GRIP1: variants seen among roughly 807,000 people sequenced by gnomAD.
GRIP1 encodes glutamate receptor-interacting protein 1.
A neutral mutation model predicts 129.9 loss-of-function variants in GRIP1; 45 were observed. The observed-to-expected ratio is 0.35, with a 90% CI of 0.27 to 0.44. GRIP1 has a LOEUF of 0.44. Among genes scored for constraint, GRIP1 ranks in the 20% least tolerant of loss-of-function variants. The pLI is 1.00. For missense variants in GRIP1, 1,196 were observed against 1,396.8 expected (o/e 0.86, Z 2.29); for synonymous variants, 530 against 520.8 (o/e 1.02, Z -0.24).
rs141989812 is a variant in GRIP1 at position 66,454,550 on chromosome 12, G to A, written c.1354+859C>T. On this transcript the variant is annotated intron_variant, in intron 11 of 24. Transcript: ENST00000359742. ...GAGAATGATCTTCCCCAATAGAAAC[G>A]ATAAATGTAGGAGTGATTTATATTT... Among the ~76,000 whole-genome samples the A allele has an allele frequency of 1.7e-3, 265 of 152,276 alleles. 3 individuals carry two copies. The highest frequency in any genetic ancestry group is 6.8e-3 in the Middle Eastern group (2 of 294).
At chr12:66,871,065 T>C (rs144475057) in intron 1 of GRIP1, among the ~76,000 whole-genome samples, 29 of 152,258 alleles carry the variant, frequency 1.9e-4, no homozygotes, top group African/African-American at 7.0e-4. Context: ...AAAGTGTTAA[T>C]AATGAAAATC....
At chr12:66,952,116 A>C (rs1195337007) in intron 1 of GRIP1, among the ~76,000 whole-genome samples, 1 of 152,154 alleles carries the variant, frequency 6.6e-6, no homozygotes, top group Non-Finnish European at 1.5e-5. Context: ...AAGGAAAGAA[A>C]GGTCAGAGGA....
chr12:66,521,398 T>A (rs7978982), intron 5 of GRIP1, among the ~76,000 whole-genome samples: 29,067 of 152,228 alleles, frequency 0.19, 2,852 homozygotes, highest in African/African-American at 0.22. Flanking sequence ...ACATATTTAT[T>A]AAGATGTTTA....
chr12:66,463,202 A>C lies in GRIP1; in HGVS notation c.873-109T>G. On this transcript the variant is annotated intron_variant, in intron 8 of 24. Transcript: ENST00000359742. Reference sequence around the variant, plus strand: ...ACAGTTTTTCATTTACTTAAAATAAAAGAAAAGAAAAGTTTGAGTGTTATA... The same window carrying C: ...ACAGTTTTTCATTTACTTAAAATAACAGAAAAGAAAAGTTTGAGTGTTATA... 9.9e-6 allele frequency: 6 copies of C among 605,624 alleles called. No homozygotes were observed. The South Asian group carries it at 1.3e-4, about 13-fold the overall frequency. The allele number at this position is 605,624 out of a possible 1,614,324, so 37.5% of individuals were successfully genotyped here.
chr12:66,683,755 C>T (rs981335753), upstream of GRIP1, among the ~76,000 whole-genome samples: 1 of 152,148 alleles, frequency 6.6e-6, no homozygotes, highest in South Asian at 2.1e-4. Context: ...AGGAAAGCTC[C>T]TGTGAAGGTA....
At chr12:66,932,751 C>G (rs1179483169) in intron 1 of GRIP1, among the ~76,000 whole-genome samples, 2 of 152,124 alleles carry the variant, frequency 1.3e-5, no homozygotes, top group Non-Finnish European at 2.9e-5. Flanking sequence ...TCATTGCAAT[C>G]TCTGCCATCT....
intron 1 of GRIP1, among the ~76,000 whole-genome samples, chr12:66,773,858 T>C (rs2037896472): frequency 1.3e-5 from 2 of 152,148 alleles, no homozygotes. Flanking sequence ...AAGCATAATA[T>C]GCAAAAATAT....
Position 66,349,033 on chromosome 12 carries a change from T to A in GRIP1, c.3373A>T (p.Thr1125Ser). 1 of 1,609,692 alleles carries A rather than the reference T, an allele frequency of 6.2e-7. No homozygotes were observed. Among genetic ancestry groups the A allele is most frequent in the Non-Finnish European group, 8.5e-7 (1 of 1,175,916 alleles). Residue 1125 changes from threonine (T) to serine (S), a missense_variant, in exon 25 of 25, where the codon ACT (threonine) becomes TCT (serine). Physicochemically the swap from Thr to Ser is moderately conservative, Grantham distance 58 (BLOSUM62 1). Coordinates refer to ENST00000359742, the MANE Select transcript of GRIP1 (RefSeq NM_001366722.1). ...HGGNLETREP[T>S]NTL Reference sequence around the variant, plus strand: ...AAAAAGCGTTGCTATAATGTATTAGTGGGTTCTCGTGTCTCCAAATTACCA... The same window carrying A: ...AAAAAGCGTTGCTATAATGTATTAGAGGGTTCTCGTGTCTCCAAATTACCA...
intron 1 of GRIP1, among the ~76,000 whole-genome samples, chr12:66,685,680 T>C (rs2034758597): frequency 6.6e-6 from 1 of 152,096 alleles, no homozygotes; most frequent in South Asian, 2.1e-4. Context: ...AGCAGCTAGG[T>C]TAGATCAAGG....
chr12:66,483,947 C>T (rs980762870), intron 7 of GRIP1, among the ~76,000 whole-genome samples: 16 of 151,672 alleles, frequency 1.1e-4, no homozygotes, highest in Admixed American at 1.1e-3. Context: ...GCAAGCTCCG[C>T]CTCCCGGGTT....
intron 1 of GRIP1, among the ~76,000 whole-genome samples, chr12:66,629,921 A>G (rs1376314700): frequency 6.6e-6 from 1 of 152,176 alleles, no homozygotes; most frequent in African/African-American, 2.4e-5. Flanking sequence ...TTTTTCCTGA[A>G]AGTCTTTGAA....
At chr12:66,884,192 G>A (rs971839853) in intron 1 of GRIP1, among the ~76,000 whole-genome samples, 3 of 152,190 alleles carry the variant, frequency 2.0e-5, no homozygotes, top group African/African-American at 7.2e-5. Context: ...CTTAACCTAC[G>A]TATTTTGTTA....
At chr12:66,650,952 A>C (rs2032750891) in intron 1 of GRIP1, among the ~76,000 whole-genome samples, 1 of 152,230 alleles carries the variant, frequency 6.6e-6, no homozygotes, top group Non-Finnish European at 1.5e-5. Context: ...TGAGCATGGT[A>C]AAAATATCCA....
At chr12:66,452,801 A>G (rs1262146741) in intron 11 of GRIP1, among the ~76,000 whole-genome samples, 1 of 152,184 alleles carries the variant, frequency 6.6e-6, no homozygotes, top group Non-Finnish European at 1.5e-5. Context: ...AGACCTTTAC[A>G]TCTAATGTGA....
chr12:66,401,589 A>AT lies in GRIP1; in HGVS notation c.1984+4693_1984+4694insA, dbSNP rs1437358666. On this transcript the variant is annotated intron_variant, in intron 16 of 24. Coordinates refer to ENST00000359742, the MANE Select transcript of GRIP1 (RefSeq NM_001366722.1). ...AGCAAAATTCCGTCTCAAAAAAAAA[A>AT]ATATGTGTGTATATATATATACACA... is the stretch of plus-strand genomic sequence containing the variant. Among the ~76,000 whole-genome samples the AT allele has an allele frequency of 3.7e-4, 11 of 29,976 alleles. No homozygotes were observed. The South Asian group carries it at 0.011, about 29-fold the overall frequency. The allele number at this position is 29,976 out of a possible 152,430, so 19.7% of individuals were successfully genotyped here. A position where few individuals can be genotyped will look rare whatever the true frequency, so the allele number is the denominator to read the frequency against.
At chr12:66,594,651 A>G (rs928516317) in intron 2 of GRIP1, among the ~76,000 whole-genome samples, 3 of 152,064 alleles carry the variant, frequency 2.0e-5, no homozygotes, top group African/African-American at 7.3e-5. Flanking sequence ...AGGAGTGGTC[A>G]GGAGACCACT....
chr12:66,546,338 TA>T (rs2061945166), intron 2 of GRIP1, among the ~76,000 whole-genome samples: 2 of 138,906 alleles, frequency 1.4e-5, no homozygotes, highest in Admixed American at 7.2e-5. Context: ...TTTTTTTTTT[TA>T]AATAGCTGGG....
At chr12:66,808,895 C>G (rs1370072856), upstream of GRIP1, among the ~76,000 whole-genome samples, 1 of 152,136 alleles carries the variant, frequency 6.6e-6, no homozygotes, top group African/African-American at 2.4e-5. Flanking sequence ...ACTAGCCAGT[C>G]TCAAAACACT....
At chr12:66,876,266 C>T (rs1027555674) in intron 1 of GRIP1, among the ~76,000 whole-genome samples, 4 of 151,900 alleles carry the variant, frequency 2.6e-5, no homozygotes, top group African/African-American at 9.7e-5. Context: ...TACTGTCATT[C>T]ATGGTTGTCA....
Sources: allele counts gnomAD v4.1 joint callset (sites outside exome capture counted in the v4.1 genomes callset), GRCh38; gene constraint gnomAD v4.1.1; transcripts MANE v1.5; gene names NCBI Gene and HGNC (gene_info 2026-07-23, HGNC 2026-07-21).